CSMD1: variants seen among roughly 807,000 people sequenced by gnomAD.
The protein encoded by CSMD1 is CUB and sushi domain-containing protein 1.
Under a neutral mutation model 417.5 loss-of-function variants are expected in CSMD1, and 213 were observed. The ratio of observed to expected loss-of-function variants is 0.51; its 90% CI spans 0.46 to 0.57. CSMD1 has a LOEUF of 0.57. Among genes scored for constraint, CSMD1 ranks in the 20% least tolerant of loss-of-function variants. The pLI is 0.00. For missense variants in CSMD1, 6,923 were observed against 4,529.7 expected, an observed-to-expected ratio of 1.53 and a Z score of -15.17; for synonymous variants, 2,862 against 1,736.8, an observed-to-expected ratio of 1.65 and a Z score of -16.11.
intron 5 of CSMD1, among the ~76,000 whole-genome samples, chr8:3,764,334 C>A (rs1798157081): frequency 6.6e-6 from 1 of 152,318 alleles, no homozygotes; most frequent in Non-Finnish European, 1.5e-5. Flanking sequence ...TGTACTTGTG[C>A]TCCCTGCCCC....
intron 7 of CSMD1, among the ~76,000 whole-genome samples, chr8:3,704,318 T>G (rs1233554298): frequency 6.6e-6 from 1 of 152,002 alleles, no homozygotes; most frequent in African/African-American, 2.4e-5. Flanking sequence ...ATTAGCGAGC[T>G]CCCAGGAAAA....
intron 1 of CSMD1, among the ~76,000 whole-genome samples, chr8:4,949,311 A>G (rs894292433): frequency 7.2e-5 from 11 of 152,316 alleles, no homozygotes; most frequent in African/African-American, 2.4e-4. Flanking sequence ...TTTGTTAAAA[A>G]AAAGTTATTT....
chr8:3,157,078 G>A (rs187912332), intron 39 of CSMD1, among the ~76,000 whole-genome samples: 8 of 151,432 alleles, frequency 5.3e-5, no homozygotes, highest in Non-Finnish European at 1.2e-4. Context: ...TGGAGAAGCC[G>A]ATCACTTTGT....
chr8:3,571,164 G>C (rs1799927203), intron 10 of CSMD1, among the ~76,000 whole-genome samples: 1 of 152,148 alleles, frequency 6.6e-6, no homozygotes, highest in Non-Finnish European at 1.5e-5. Context: ...GACTATGAGA[G>C]AAAACCAACG....
intron 1 of CSMD1, among the ~76,000 whole-genome samples, chr8:4,896,630 G>A (rs1191573101): frequency 6.6e-6 from 1 of 152,086 alleles, no homozygotes; most frequent in African/African-American, 2.4e-5. Context: ...TGGAAAAACA[G>A]AAACCACTGC....
chr8:4,374,791 G>A (rs1416586795), intron 3 of CSMD1, among the ~76,000 whole-genome samples: 1 of 152,092 alleles, frequency 6.6e-6, no homozygotes, highest in African/African-American at 2.4e-5. Flanking sequence ...CTCTAGGATG[G>A]CCCAGGAGAG....
intron 64 of CSMD1, among the ~76,000 whole-genome samples, chr8:2,955,049 A>C (rs1802904077): frequency 6.6e-6 from 1 of 152,224 alleles, no homozygotes; most frequent in Non-Finnish European, 1.5e-5. Context: ...TCACTTGTAA[A>C]CACACAAATT....
intron 3 of CSMD1, among the ~76,000 whole-genome samples, chr8:4,409,726 G>A (rs1303148539): frequency 6.7e-6 from 1 of 150,234 alleles, no homozygotes; most frequent in Non-Finnish European, 1.5e-5. Flanking sequence ...GGCTTCCCAA[G>A]ATGGCAAAGG....
intron 1 of CSMD1, among the ~76,000 whole-genome samples, chr8:4,677,493 A>G (rs1805771573): frequency 6.6e-6 from 1 of 152,140 alleles, no homozygotes; most frequent in Admixed American, 6.6e-5. Context: ...TCATTTTTAT[A>G]TGTTCAAGCC....
chr8:2,983,498 A>G (rs1805602194), intron 54 of CSMD1, among the ~76,000 whole-genome samples: 1 of 152,114 alleles, frequency 6.6e-6, no homozygotes, highest in Admixed American at 6.6e-5. Flanking sequence ...TCTGTTGTAT[A>G]TTTTTAACTT....
At chr8:3,461,652 T>G (rs1266784710) in intron 12 of CSMD1, among the ~76,000 whole-genome samples, 1 of 152,160 alleles carries the variant, frequency 6.6e-6, no homozygotes, top group Non-Finnish European at 1.5e-5. Flanking sequence ...TTCCAGATCC[T>G]CATGCCCAAG....
chr8:4,866,628 A>G (rs1300783911), intron 1 of CSMD1, among the ~76,000 whole-genome samples: 1 of 151,918 alleles, frequency 6.6e-6, no homozygotes, highest in African/African-American at 2.4e-5. Flanking sequence ...ATAACCTCAA[A>G]TGAGATTCAT....
rs535309798 is a variant in CSMD1, at chr8:3,036,405, G to A, written c.7661-6892C>T. On this transcript the variant is annotated intron_variant, in intron 50 of 69. Transcript: ENST00000635120. The stretch of plus-strand genomic sequence containing the variant: ...TTGCTTTGTTTTGTTTCTTAACAGA[G>A]AAGTCTCCCCTATCGTACTCAATGT... 2.0e-5 allele frequency among the ~76,000 whole-genome samples: 3 copies of A among 152,248 alleles called. No individual in the cohort carries two copies. The South Asian group carries it at 6.2e-4, about 32-fold the overall frequency.
At chr8:3,444,605 T>G (rs1443971736) in intron 12 of CSMD1, among the ~76,000 whole-genome samples, 1 of 152,108 alleles carries the variant, frequency 6.6e-6, no homozygotes, top group Non-Finnish European at 1.5e-5. Flanking sequence ...ATGATGCTCC[T>G]AAAAACCTAC....
At chr8:3,459,778 A>G (rs1453844874) in intron 12 of CSMD1, among the ~76,000 whole-genome samples, 3 of 152,172 alleles carry the variant, frequency 2.0e-5, no homozygotes, top group Non-Finnish European at 2.9e-5. Context: ...TGGGTCCAGG[A>G]ATCAGAGCAG....
At chr8:3,425,577 G>C (rs1439997389) in intron 12 of CSMD1, among the ~76,000 whole-genome samples, 1 of 107,882 alleles carries the variant, frequency 9.3e-6, no homozygotes, top group African/African-American at 3.7e-5. Context: ...GAGAGAGCAA[G>C]ATTCGGTCTC....
At chr8:4,989,466 C>A (rs529066051) in intron 1 of CSMD1, among the ~76,000 whole-genome samples, 1 of 152,206 alleles carries the variant, frequency 6.6e-6, no homozygotes, top group East Asian at 1.9e-4. Flanking sequence ...AGATCTCCGC[C>A]TTTACACAAG....
chr8:4,008,779 T>A (rs1234420209), intron 4 of CSMD1, among the ~76,000 whole-genome samples: 1 of 151,770 alleles, frequency 6.6e-6, no homozygotes, highest in African/African-American at 2.4e-5. Context: ...CCTGGCTAAT[T>A]TTTTGTGTTT....
At chr8:4,912,672 G>C (rs1310789685) in intron 1 of CSMD1, among the ~76,000 whole-genome samples, 1 of 152,174 alleles carries the variant, frequency 6.6e-6, no homozygotes, top group East Asian at 1.9e-4. Context: ...AAAGAGTTTA[G>C]CACTTTCATT....
Sources: allele counts gnomAD v4.1 joint callset (sites outside exome capture counted in the v4.1 genomes callset), GRCh38; gene constraint gnomAD v4.1.1; transcripts MANE v1.5; gene names NCBI Gene and HGNC (gene_info 2026-07-23, HGNC 2026-07-21).